Variants in KCNH4 observed in about 807,000 individuals in gnomAD.
KCNH4 encodes potassium voltage-gated channel subfamily H member 4.
A neutral mutation model predicts 90.7 loss-of-function variants in KCNH4; 33 were observed. The ratio of observed to expected loss-of-function variants is 0.36; its 90% CI spans 0.28 to 0.49. The LOEUF is 0.49. Among genes scored for constraint, KCNH4 ranks in the 20% least tolerant of loss-of-function variants. The probability of loss-of-function intolerance (pLI) is 0.98; values close to 1 mark genes in which losing one functional copy is unlikely to be tolerated. For missense variants in KCNH4, 1,044 were observed against 1,387.1 expected (o/e 0.75, Z 3.93); for synonymous variants, 551 against 581.7 (o/e 0.95, Z 0.76).
At position 42,178,845 on chromosome 17, in the gene KCNH4, G is replaced by A; in HGVS notation, c.258C>T (p.Ala86=). The change falls in exon 2 of 17, where the codon GCC becomes GCT. Residue 86 remains alanine, a synonymous_variant. Coordinates refer to ENST00000264661, the MANE Select transcript of KCNH4 (RefSeq NM_012285.3). ...SEPALQRLHK[A]LEGHQEHRAE... The stretch of plus-strand genomic sequence containing the variant: ...CCCGGTGCTCCTGGTGGCCCTCCAG[G>A]GCTTTGTGCAGACGCTGCAGGGCTG... The A allele has an allele frequency of 6.2e-7, 1 of 1,614,152 alleles. No individual in the cohort carries two copies. The highest frequency in any genetic ancestry group is 8.5e-7 in the Non-Finnish European group (1 of 1,180,042).
At chr17:42,165,413 C>T in intron 11 of KCNH4, 36 bp downstream of exon 11, 1 of 1,608,512 alleles carries the variant, frequency 6.2e-7, no homozygotes, top group East Asian at 2.2e-5. Flanking sequence ...GAGGAAGGGA[C>T]TCTGGAAGGA....
In KCNH4 at chr17:42,163,689, G is replaced by C; in HGVS notation, c.2394C>G (p.Pro798=). The C allele has an allele frequency of 6.6e-7, 1 of 1,511,224 alleles. No homozygotes were observed. Among genetic ancestry groups the C allele is most frequent in the Non-Finnish European group, 8.8e-7 (1 of 1,130,538 alleles). The allele number at this position is 1,511,224 out of a possible 1,614,324, so 93.6% of individuals were successfully genotyped here. A position where few individuals can be genotyped will look rare whatever the true frequency, so the allele number is the denominator to read the frequency against. ...GQGHSASPHG[P]PRCSAAWKPP... ...GCTTCCAGGCAGCAGAGCACCTGGG[G>C]GGGCCGTGAGGGGAGGCACTGTGGC... Residue 798 remains proline (P), a synonymous_variant, in exon 13 of 17, where the codon CCC becomes CCG. Transcript: ENST00000264661. This position sits in a 1 kb window ranked among gnomAD's most constrained non-coding sequence, Gnocchi z 5.4.
chr17:42,176,509 CTTTTTTTT>C (rs869250233), intron 4 of KCNH4, among the ~76,000 whole-genome samples: 14 of 68,450 alleles, frequency 2.0e-4, no homozygotes, highest in Non-Finnish European at 3.1e-4. Context: ...GGCCCTCCTC[CTTTTTTTT>C]TTTTTTTTTT....
intron 6 of KCNH4, among the ~76,000 whole-genome samples, chr17:42,172,479 G>A (rs2079833802): frequency 6.6e-6 from 1 of 150,524 alleles, no homozygotes; most frequent in African/African-American, 2.4e-5. Context: ...GCCTTAGTAA[G>A]TACGTTCTAT....
In KCNH4 at chr17:42,181,037, C is replaced by G; in HGVS notation, c.-92G>C. 7.8e-6 allele frequency: 9 copies of G among 1,147,464 alleles called. No homozygotes were observed. The highest frequency in any genetic ancestry group is 1.1e-5 in the Non-Finnish European group (9 of 802,416). The allele number at this position is 1,147,464 out of a possible 1,614,324, so 71.1% of individuals were successfully genotyped here. ...GCGCTGTCGGAGGGGCCGGGGCGCCCCATGCGCCCTCCTGCCTCCTCCCCT... is the reference window on the plus strand; with the variant it reads ...GCGCTGTCGGAGGGGCCGGGGCGCCGCATGCGCCCTCCTGCCTCCTCCCCT... On this transcript the variant is annotated 5_prime_UTR_variant, in exon 1 of 17. Transcript: ENST00000264661.
At chr17:42,174,528 G>A (rs1277888672) in intron 6 of KCNH4, among the ~76,000 whole-genome samples, 2 of 152,180 alleles carry the variant, frequency 1.3e-5, no homozygotes, top group Non-Finnish European at 2.9e-5. Flanking sequence ...GTGGGAGCAC[G>A]CACACACGTG....
rs746688693 is a variant in KCNH4, at chr17:42,169,678, TGCA to T, written c.1391-5_1391-3del. The T allele has an allele frequency of 1.6e-5, 25 of 1,611,550 alleles. No homozygotes were observed. Among genetic ancestry groups the T allele is most frequent in the Non-Finnish European group, 1.8e-5 (21 of 1,178,456 alleles). ...CGAACACCACAGCGTGCATCAGGGCTGCAGCAGCAGCAGCGGGCCTGTCAGGGG... is the reference window on the plus strand; with the variant it reads ...CGAACACCACAGCGTGCATCAGGGCTGCAGCAGCAGCGGGCCTGTCAGGGG... On this transcript the variant is annotated splice_polypyrimidine_tract_variant and splice_region_variant and intron_variant, in intron 8 of 16. Transcript: ENST00000264661.
intron 6 of KCNH4, among the ~76,000 whole-genome samples, chr17:42,173,210 C>G (rs1017271833): frequency 6.6e-6 from 1 of 151,992 alleles, no homozygotes; most frequent in African/African-American, 2.4e-5. Context: ...GCCTGGGGAA[C>G]TTGGTATGAA....
rs1245958005 is a variant in KCNH4 at position 42,169,412 on chromosome 17, C to T, written c.1590+65G>A. The T allele has an allele frequency of 5.5e-6, 8 of 1,461,154 alleles. No homozygotes were observed. The Admixed American group carries it at 1.0e-4, about 19-fold the overall frequency. 90.5% of individuals were successfully genotyped at this position (1,461,154 alleles called of 1,614,324 possible). Reference sequence around the variant, plus strand: ...ATTTTAAGCTACAGGGGCAGCGACTCCTTCCCCACCCCACTGCAGGGCCAC... The same window carrying T: ...ATTTTAAGCTACAGGGGCAGCGACTTCTTCCCCACCCCACTGCAGGGCCAC... On this transcript the variant is annotated intron_variant, in intron 9 of 16. Transcript: ENST00000264661.
Position 42,178,858 on chromosome 17 carries a change from C to A in KCNH4, c.245G>T (p.Arg82Leu), listed in dbSNP as rs200832596. The A allele has an allele frequency of 6.2e-7, 1 of 1,614,036 alleles. No individual in the cohort carries two copies. Among genetic ancestry groups the A allele is most frequent in the African/African-American group, 1.3e-5 (1 of 74,932 alleles). Residue 82 changes from arginine to leucine, a missense_variant, in exon 2 of 17, where the codon CGT (arginine) becomes CTT (leucine). Around this residue, in one of 4 missense-constraint regions of KCNH4, gnomAD observed 283 missense variants for 378.6 expected, o/e 0.75. Transcript: ENST00000264661. ...GTGGCCCTCCAGGGCTTTGTGCAGA[C>A]GCTGCAGGGCTGGCTCACTGGTCTC... ...GPETSEPALQRLHKALEGHQE... is the reference protein window; with the variant it reads ...GPETSEPALQLLHKALEGHQE...
chr17:42,161,126 C>A (rs2079745073), intron 15 of KCNH4, among the ~76,000 whole-genome samples: 1 of 152,006 alleles, frequency 6.6e-6, no homozygotes, highest in Non-Finnish European at 1.5e-5. Flanking sequence ...GACAGGGTTT[C>A]ACCGTGTTAG....
chr17:42,160,296 C>T lies in KCNH4; in HGVS notation c.2798G>A (p.Arg933Lys). The change falls in exon 16 of 17, where the codon AGG becomes AAG. Residue 933 changes from arginine to lysine, a missense_variant. Arg to Lys is a conservative substitution (Grantham distance 26). Transcript: ENST00000264661. ...WTPDPPCPQL[R>K]PPCLSPCASR... is the part of the protein sequence containing the mutation. ...CGCACAAGGAGAGAGGCATGGTGGC[C>T]TCAGCTGTGGACAAGGAGGGTCTGG... is the stretch of plus-strand genomic sequence containing the variant. The T allele has an allele frequency of 1.9e-6, 3 of 1,614,076 alleles. No individual in the cohort carries two copies. Among genetic ancestry groups the T allele is most frequent in the Non-Finnish European group, 2.5e-6 (3 of 1,179,996 alleles).
At chr17:42,164,495 G>A (rs983923362) in intron 11 of KCNH4, among the ~76,000 whole-genome samples, 1 of 152,164 alleles carries the variant, frequency 6.6e-6, no homozygotes, top group Non-Finnish European at 1.5e-5. Context: ...AGCACATGAG[G>A]GGGTTGTTTC....
At chr17:42,162,995 C>G (rs2079759351) in intron 14 of KCNH4, among the ~76,000 whole-genome samples, 1 of 152,238 alleles carries the variant, frequency 6.6e-6, no homozygotes, top group African/African-American at 2.4e-5. Flanking sequence ...CCTTCCTCTT[C>G]TACCACAGAG....
At chr17:42,170,811 G>A (rs924163515) in intron 7 of KCNH4, among the ~76,000 whole-genome samples, 6 of 152,246 alleles carry the variant, frequency 3.9e-5, no homozygotes, top group South Asian at 2.1e-4. Context: ...ACATGGAACC[G>A]AAGGAACATT....
At chr17:42,173,597 C>T (rs1017917022) in intron 6 of KCNH4, among the ~76,000 whole-genome samples, 2 of 151,622 alleles carry the variant, frequency 1.3e-5, no homozygotes, top group Non-Finnish European at 2.9e-5. Context: ...TGGTATTCCT[C>T]ATCTCACCAG....
chr17:42,166,222 G>A, intron 10 of KCNH4, 75 bp downstream of exon 10: 1 of 1,497,000 alleles, frequency 6.7e-7, no homozygotes, highest in Non-Finnish European at 9.0e-7. Context: ...TAGAATCCTG[G>A]CCATTCCCAA....
At chr17:42,176,509 CTT>C (rs869250233) in intron 4 of KCNH4, among the ~76,000 whole-genome samples, 297 of 68,356 alleles carry the variant, frequency 4.3e-3, no homozygotes, top group African/African-American at 0.019. Context: ...GGCCCTCCTC[CTT>C]TTTTTTTTTT....
Position 42,163,521 on chromosome 17 carries a change from T to G in KCNH4, c.2477+85A>C. 1.3e-6 allele frequency: 1 copy of G among 773,762 alleles called. No homozygotes were observed. Among genetic ancestry groups the G allele is most frequent in the Non-Finnish European group, 2.1e-6 (1 of 475,420 alleles). The allele number at this position is 773,762 out of a possible 1,614,324, so 47.9% of individuals were successfully genotyped here. ...CACGGGCAGAGACGGAATGTAGCAC[T>G]GTTTGGAACGCCAGGGATAGAGCCC... On this transcript the variant is annotated intron_variant, in intron 13 of 16. Coordinates refer to ENST00000264661, the MANE Select transcript of KCNH4 (RefSeq NM_012285.3). This position sits in a 1 kb window ranked among gnomAD's most constrained non-coding sequence, Gnocchi z 5.4.
Sources: allele counts gnomAD v4.1 joint callset (sites outside exome capture counted in the v4.1 genomes callset), GRCh38; gene constraint gnomAD v4.1.1; regional missense constraint gnomAD v4.1.1; non-coding constraint Gnocchi (gnomAD v3.1); transcripts MANE v1.5; gene names NCBI Gene and HGNC (gene_info 2026-07-23, HGNC 2026-07-21).